Variants in SRD5A2 observed in about 807,000 individuals in gnomAD.
The protein encoded by SRD5A2 is 3-oxo-5-alpha-steroid 4-dehydrogenase 2.
SRD5A2 carries 30 observed loss-of-function variants against 27.4 expected under a neutral mutation model. That is an observed-to-expected ratio of 1.10 (90% CI 0.82 to 1.49). The LOEUF is 1.49. Ranked by LOEUF, SRD5A2 falls within the 40% of genes most tolerant of loss-of-function variation. The pLI, the probability that SRD5A2 is intolerant of heterozygous loss-of-function variation, is 0.00. For missense variants in SRD5A2, 348 were observed against 323.4 expected (o/e 1.08, Z -0.58); for synonymous variants, 141 against 133.6 (o/e 1.06, Z -0.38).
rs1235171539 is a variant in SRD5A2, at chr2:31,580,604, AAG to A, written c.281+14_281+15del. 1 of 1,520,602 alleles carries A rather than the reference AAG, an allele frequency of 6.6e-7. No individual in the cohort carries two copies. 94.2% of individuals were successfully genotyped at this position (1,520,602 alleles called of 1,614,324 possible). A position where few individuals can be genotyped will look rare whatever the true frequency, so the allele number is the denominator to read the frequency against. On this transcript the variant is annotated intron_variant, in intron 1 of 4. Transcript: ENST00000622030. ...GCAGTGCGCTGCACTGGGCGCCCGC[AAG>A]GGAAAAACGCTACCTGTGGAAGTAA...
the SRD5A2 span, among the ~76,000 whole-genome samples, chr2:31,628,983 T>C: frequency 6.6e-6 from 1 of 152,174 alleles, no homozygotes; most frequent in Non-Finnish European, 1.5e-5. Flanking sequence ...TTTAGTGTTA[T>C]ATAGTGTTCT....
At chr2:31,633,378 T>A in the SRD5A2 span, among the ~76,000 whole-genome samples, 1 of 152,170 alleles carries the variant, frequency 6.6e-6, no homozygotes, top group South Asian at 2.1e-4. Context: ...CCAGGTCTTT[T>A]CAAAACTGTC....
intron 3 of SRD5A2, 108 bp downstream of exon 3, chr2:31,531,263 A>G: frequency 1.4e-6 from 1 of 731,226 alleles, no homozygotes; most frequent in Admixed American, 2.6e-5. Context: ...GCTGAGAGGT[A>G]TTGTATCATT....
At chr2:31,537,669 T>C (rs1353310387) in intron 1 of SRD5A2, among the ~76,000 whole-genome samples, 2 of 152,344 alleles carry the variant, frequency 1.3e-5, no homozygotes, top group African/African-American at 2.4e-5. Context: ...TCTCTGTCTA[T>C]GTGATCACAT....
chr2:31,626,160 T>C, the SRD5A2 span, among the ~76,000 whole-genome samples: 4 of 152,160 alleles, frequency 2.6e-5, no homozygotes, highest in South Asian at 6.2e-4. Flanking sequence ...TGGCTCTTTG[T>C]CTGTTAATGG....
chr2:31,547,648 A>G (rs1246076157), intron 1 of SRD5A2, among the ~76,000 whole-genome samples: 1 of 152,194 alleles, frequency 6.6e-6, no homozygotes, highest in Non-Finnish European at 1.5e-5. Context: ...TTGCACCAGC[A>G]ATTCTCCAGG....
rs936467722 is a variant in SRD5A2 at position 31,522,991 on chromosome 2, A to G, written c.*3205T>C. The G allele has an allele frequency of 4.5e-6, 1 of 220,808 alleles. No homozygotes were observed. The highest frequency in any genetic ancestry group is 2.2e-5 in the African/African-American group (1 of 44,590). The allele number at this position is 220,808 out of a possible 1,614,324, so 13.7% of individuals were successfully genotyped here. A position where few individuals can be genotyped will look rare whatever the true frequency, so the allele number is the denominator to read the frequency against. ...TTCAGGGTTGTAAAACCACGGATTT[A>G]TTTATTTGTTCCTGAAAGGGTCTAA... On this transcript the variant is annotated 3_prime_UTR_variant, in exon 5 of 5. Transcript: ENST00000622030.
At chr2:31,555,372 G>A (rs2148083062) in intron 1 of SRD5A2, among the ~76,000 whole-genome samples, 1 of 152,182 alleles carries the variant, frequency 6.6e-6, no homozygotes, top group African/African-American at 2.4e-5. Flanking sequence ...TCCTTTCCAA[G>A]GTCCTCGGCC....
At chr2:31,606,479 G>T in the SRD5A2 span, among the ~76,000 whole-genome samples, 1 of 151,836 alleles carries the variant, frequency 6.6e-6, no homozygotes, top group Non-Finnish European at 1.5e-5. Context: ...AAGTCTGGGG[G>T]AGTCTCAAAC....
At chr2:31,598,917 T>C in the SRD5A2 span, among the ~76,000 whole-genome samples, 1 of 151,956 alleles carries the variant, frequency 6.6e-6, no homozygotes, top group Non-Finnish European at 1.5e-5. Flanking sequence ...ATATGCTGCA[T>C]ACAAGAAACA....
chr2:31,591,592 C>G, the SRD5A2 span, among the ~76,000 whole-genome samples: 32 of 151,784 alleles, frequency 2.1e-4, 2 homozygotes. Flanking sequence ...ACTGGGTATA[C>G]ACCCAAAGGA....
chr2:31,653,169 A>T, the SRD5A2 span, among the ~76,000 whole-genome samples: 1 of 152,154 alleles, frequency 6.6e-6, no homozygotes, highest in Non-Finnish European at 1.5e-5. Flanking sequence ...CCTCTTCAGA[A>T]GTCCGTCCTA....
At chr2:31,632,748 A>T in the SRD5A2 span, among the ~76,000 whole-genome samples, 1 of 152,116 alleles carries the variant, frequency 6.6e-6, no homozygotes, top group Non-Finnish European at 1.5e-5. Flanking sequence ...CTCTTTTCAC[A>T]TGCCTTTCTA....
chr2:31,552,822 G>C (rs1666407193), intron 1 of SRD5A2, among the ~76,000 whole-genome samples: 1 of 152,094 alleles, frequency 6.6e-6, no homozygotes, highest in African/African-American at 2.4e-5. Context: ...AGAGATGGCT[G>C]TTTTTTCAAA....
chr2:31,569,507 T>A (rs1405576286), intron 1 of SRD5A2, among the ~76,000 whole-genome samples: 1 of 152,154 alleles, frequency 6.6e-6, no homozygotes, highest in African/African-American at 2.4e-5. Context: ...ATAATGAGCA[T>A]CCTTTCATGT....
At position 31,522,750 on chromosome 2, in the gene SRD5A2, C is replaced by T. The variant is rs1408457306; in HGVS notation, c.*3446G>A. The T allele has an allele frequency of 4.5e-6, 1 of 222,712 alleles. No individual in the cohort carries two copies. Among genetic ancestry groups the T allele is most frequent in the Non-Finnish European group, 9.0e-6 (1 of 111,500 alleles). 13.8% of individuals were successfully genotyped at this position (222,712 alleles called of 1,614,324 possible). A position where few individuals can be genotyped will look rare whatever the true frequency, so the allele number is the denominator to read the frequency against. On this transcript the variant is annotated 3_prime_UTR_variant, in exon 5 of 5. Coordinates refer to ENST00000622030, the MANE Select transcript of SRD5A2 (RefSeq NM_000348.4). Reference sequence around the variant, plus strand: ...TAGATGCTATAAAATAATCAGCATCCTTCTCCAGAAAAATTCACTTTACAT... The same window carrying T: ...TAGATGCTATAAAATAATCAGCATCTTTCTCCAGAAAAATTCACTTTACAT...
chr2:31,631,871 G>C, the SRD5A2 span, among the ~76,000 whole-genome samples: 1 of 152,166 alleles, frequency 6.6e-6, no homozygotes, highest in Non-Finnish European at 1.5e-5. Context: ...TCAGAACAAG[G>C]AGATTGGTGC....
chr2:31,625,392 T>C, the SRD5A2 span, among the ~76,000 whole-genome samples: 2 of 152,228 alleles, frequency 1.3e-5, no homozygotes, highest in African/African-American at 4.8e-5. Flanking sequence ...ATTTTGGCTT[T>C]TGTTGCCATT....
At chr2:31,616,491 C>A in the SRD5A2 span, among the ~76,000 whole-genome samples, 1 of 152,194 alleles carries the variant, frequency 6.6e-6, no homozygotes, top group South Asian at 2.1e-4. Flanking sequence ...ATCAGCATGA[C>A]CTGGATATGA....
Sources: allele counts gnomAD v4.1 joint callset (sites outside exome capture counted in the v4.1 genomes callset), GRCh38; gene constraint gnomAD v4.1.1; transcripts MANE v1.5; gene names NCBI Gene and HGNC (gene_info 2026-07-23, HGNC 2026-07-21).